Variants in FHOD3 observed in about 807,000 individuals in gnomAD.
FHOD3 encodes the protein FH1/FH2 domain-containing protein 3.
A neutral mutation model predicts 173.0 loss-of-function variants in FHOD3; 90 were observed. The ratio of observed to expected loss-of-function variants is 0.52; its 90% CI spans 0.44 to 0.62. The LOEUF (loss-of-function observed/expected upper bound fraction) is 0.62, where lower values mean the gene tolerates loss of function less well. FHOD3 is among the 20% of genes least tolerant of loss of function. FHOD3 has a pLI of 0.00. For missense variants in FHOD3, 1,945 were observed against 2,034.7 expected (o/e 0.96, Z 0.85); for synonymous variants, 828 against 823.0 (o/e 1.01, Z -0.10).
At chr18:36,727,063 C>T (rs757068507) in intron 19 of FHOD3, among the ~76,000 whole-genome samples, 15 of 151,536 alleles carry the variant, frequency 9.9e-5, no homozygotes, top group Non-Finnish European at 1.8e-4. Flanking sequence ...CTGGGCTGCT[C>T]TGAGAAGTGG....
At chr18:36,490,613 G>A (rs556058559) in intron 3 of FHOD3, among the ~76,000 whole-genome samples, 15 of 152,294 alleles carry the variant, frequency 9.8e-5, no homozygotes, top group Admixed American at 2.6e-4. Context: ...CAATAAGTGG[G>A]GAGGGCTCCT....
At chr18:36,739,690 G>A (rs1467698558) in intron 20 of FHOD3, among the ~76,000 whole-genome samples, 1 of 152,092 alleles carries the variant, frequency 6.6e-6, no homozygotes, top group Admixed American at 6.5e-5. Context: ...CACTTAACAG[G>A]ATTTGTTAGA....
chr18:36,696,286 C>A (rs2039276242), intron 17 of FHOD3, among the ~76,000 whole-genome samples: 1 of 152,178 alleles, frequency 6.6e-6, no homozygotes, highest in South Asian at 2.1e-4. Flanking sequence ...GCCACACCAT[C>A]CCTTTGCTAA....
At chr18:36,360,120 G>C (rs2046537647) in intron 2 of FHOD3, among the ~76,000 whole-genome samples, 1 of 152,194 alleles carries the variant, frequency 6.6e-6, no homozygotes, top group Admixed American at 6.5e-5. Flanking sequence ...ATGCCAGCCT[G>C]GGTCCACAGG....
chr18:36,442,177 A>G (rs947380758), intron 3 of FHOD3, among the ~76,000 whole-genome samples: 1 of 151,948 alleles, frequency 6.6e-6, no homozygotes, highest in Non-Finnish European at 1.5e-5. Context: ...CCCTTTCCCC[A>G]TTGCTCTGTT....
intron 3 of FHOD3, among the ~76,000 whole-genome samples, chr18:36,378,596 C>CCAAA (rs2047567548): frequency 9.0e-6 from 1 of 111,390 alleles, no homozygotes; most frequent in Non-Finnish European, 1.8e-5. Flanking sequence ...CCCTCTGCCA[C>CCAAA]AAAAAAAAAA....
chr18:36,506,192 G>T (rs1222639973), intron 4 of FHOD3, among the ~76,000 whole-genome samples: 1 of 152,184 alleles, frequency 6.6e-6, no homozygotes, highest in Non-Finnish European at 1.5e-5. Context: ...GATATCCTTA[G>T]ATCAATGAGG....
At chr18:36,551,991 G>A (rs559758157) in intron 5 of FHOD3, among the ~76,000 whole-genome samples, 3 of 152,042 alleles carry the variant, frequency 2.0e-5, no homozygotes, top group African/African-American at 4.8e-5. Context: ...CTCTTTTTTG[G>A]TTCCATATGA....
intron 5 of FHOD3, among the ~76,000 whole-genome samples, chr18:36,524,726 T>C (rs1212106482): frequency 1.3e-5 from 2 of 152,168 alleles, no homozygotes; most frequent in African/African-American, 2.4e-5. Flanking sequence ...ATCTGGAGGA[T>C]TGAATAAACA....
chr18:36,485,844 G>C (rs2054165220), intron 3 of FHOD3, among the ~76,000 whole-genome samples: 1 of 152,294 alleles, frequency 6.6e-6, no homozygotes, highest in East Asian at 1.9e-4. Flanking sequence ...GGACCACAAA[G>C]GTTCCCAGCA....
chr18:36,772,191 G>A (rs1032180032), intron 28 of FHOD3, among the ~76,000 whole-genome samples: 2 of 152,172 alleles, frequency 1.3e-5, no homozygotes, highest in Non-Finnish European at 2.9e-5. Context: ...ACTATAACAA[G>A]TACAGCACAG....
chr18:36,482,904 A>G (rs1304472876), intron 3 of FHOD3, among the ~76,000 whole-genome samples: 6 of 147,784 alleles, frequency 4.1e-5, no homozygotes, highest in African/African-American at 1.3e-4. Context: ...GAACGAGAAC[A>G]TTGTAGACTA....
intron 8 of FHOD3, among the ~76,000 whole-genome samples, chr18:36,608,828 CA>C (rs969250193): frequency 6.6e-6 from 1 of 152,100 alleles, no homozygotes; most frequent in Admixed American, 6.5e-5. Context: ...TTAATATATG[CA>C]ATATATTAAT....
chr18:36,346,089 G>A (rs549430435), intron 1 of FHOD3, among the ~76,000 whole-genome samples: 1 of 152,268 alleles, frequency 6.6e-6, no homozygotes, highest in South Asian at 2.1e-4. Context: ...ATTTTGGCTG[G>A]GCACAGTGGC....
chr18:36,641,792 C>T (rs565613805), intron 10 of FHOD3, among the ~76,000 whole-genome samples: 1 of 151,952 alleles, frequency 6.6e-6, no homozygotes, highest in Admixed American at 6.6e-5. Context: ...CCTATCTCTA[C>T]TAAAATTATA....
At chr18:36,729,765 A>C (rs891213880) in intron 19 of FHOD3, among the ~76,000 whole-genome samples, 1 of 152,150 alleles carries the variant, frequency 6.6e-6, no homozygotes, top group African/African-American at 2.4e-5. Flanking sequence ...TAGGGCTTCA[A>C]CTTATGAATT....
At chr18:36,303,181 C>T (rs1318018731) in intron 1 of FHOD3, among the ~76,000 whole-genome samples, 1 of 152,194 alleles carries the variant, frequency 6.6e-6, no homozygotes, top group Non-Finnish European at 1.5e-5. Flanking sequence ...GAGGAATCCC[C>T]AATTAACAGA....
intron 19 of FHOD3, among the ~76,000 whole-genome samples, chr18:36,729,296 T>C (rs1269105500): frequency 3.9e-5 from 6 of 152,204 alleles, no homozygotes; most frequent in African/African-American, 1.2e-4. Context: ...AGCAGGGAGC[T>C]TGTGGAGCCA....
chr18:36,746,781 TGACAGATAC>T (rs1396278210), intron 23 of FHOD3, among the ~76,000 whole-genome samples, 155 bp from the exon 24 acceptor site: 1 of 152,232 alleles, frequency 6.6e-6, no homozygotes, highest in Non-Finnish European at 1.5e-5. Flanking sequence ...GTCAAGATAA[TGACAGATAC>T]ACATGTGAAT....
Sources: allele counts gnomAD v4.1 joint callset (sites outside exome capture counted in the v4.1 genomes callset), GRCh38; gene constraint gnomAD v4.1.1; transcripts MANE v1.5; gene names NCBI Gene and HGNC (gene_info 2026-07-23, HGNC 2026-07-21).